The following OSBPL6 variants were observed in gnomAD, a reference collection of about 807,000 sequenced individuals.
The protein encoded by OSBPL6 is oxysterol-binding protein-related protein 6.
A neutral mutation model predicts 125.8 loss-of-function variants in OSBPL6; 49 were observed. The observed-to-expected ratio is 0.39, with a 90% CI of 0.31 to 0.49. The LOEUF is 0.49. Ranked by LOEUF, OSBPL6 falls within the 20% of genes least tolerant of loss-of-function variation. The pLI, the probability that OSBPL6 is intolerant of heterozygous loss-of-function variation, is 0.88. For missense variants in OSBPL6, 986 were observed against 1,135.4 expected, an observed-to-expected ratio of 0.87 and a Z score of 1.89; for synonymous variants, 394 against 391.8, an observed-to-expected ratio of 1.01 and a Z score of -0.07.
chr2:178,361,610 G>C, intron 12 of OSBPL6, 72 bp from the exon 13 acceptor site: 1 of 1,551,438 alleles, frequency 6.4e-7, no homozygotes, highest in Non-Finnish European at 8.8e-7. Flanking sequence ...TGAAAGTCTG[G>C]AGAAATTTAT....
At chr2:178,227,879 G>C (rs1283497263) in intron 1 of OSBPL6, among the ~76,000 whole-genome samples, 1 of 152,106 alleles carries the variant, frequency 6.6e-6, no homozygotes, top group African/African-American at 2.4e-5. Context: ...AGGACCATTT[G>C]GGTAGATAAG....
At chr2:178,306,839 T>C (rs191111310) in intron 3 of OSBPL6, among the ~76,000 whole-genome samples, 1 of 152,322 alleles carries the variant, frequency 6.6e-6, no homozygotes, top group African/African-American at 2.4e-5. Context: ...AAAACGCCCA[T>C]GGTCCCATTT....
chr2:178,385,155 A>C (rs1327622665), intron 18 of OSBPL6, among the ~76,000 whole-genome samples: 1 of 152,152 alleles, frequency 6.6e-6, no homozygotes, highest in African/African-American at 2.4e-5. Flanking sequence ...TGATTGGTGC[A>C]GCAAACCACC....
chr2:178,256,346 C>T lies in OSBPL6; in HGVS notation c.-350-28581C>T, dbSNP rs113030075. Among the ~76,000 whole-genome samples the T allele has an allele frequency of 2.1e-3, 316 of 152,284 alleles. 2 individuals carry two copies. Among genetic ancestry groups the T allele is most frequent in the African/African-American group, 7.4e-3 (309 of 41,568 alleles). ...GATATAACTGGAGTGGGAGTTTTAG[C>T]TTGAAGCCTTGATTTATCTCGAAGG... On this transcript the variant is annotated intron_variant, in intron 1 of 24. Coordinates refer to ENST00000190611, the MANE Select transcript of OSBPL6 (RefSeq NM_032523.4).
chr2:178,364,974 C>T (rs905163608), intron 13 of OSBPL6, among the ~76,000 whole-genome samples: 4 of 152,048 alleles, frequency 2.6e-5, no homozygotes, highest in Admixed American at 1.3e-4. Context: ...GTCAGGAGTT[C>T]GAGACCAGCC....
rs1305635471 is a variant in OSBPL6, at chr2:178,397,248, A to T, written c.*1689A>T. 6.6e-6 allele frequency: 1 copy of T among 152,210 alleles called. No individual in the cohort carries two copies. The highest frequency in any genetic ancestry group is 2.4e-5 in the African/African-American group (1 of 41,454). 9.4% of individuals were successfully genotyped at this position (152,210 alleles called of 1,614,324 possible). ...ATCCAAAACTCCTCCCTTGCATCTGAGTTTTTATGTTATGTGTACAGTCTG... is the reference window on the plus strand; with the variant it reads ...ATCCAAAACTCCTCCCTTGCATCTGTGTTTTTATGTTATGTGTACAGTCTG... On this transcript the variant is annotated 3_prime_UTR_variant, in exon 25 of 25. Transcript: ENST00000190611.
chr2:178,276,824 T>A (rs891424227), intron 1 of OSBPL6, among the ~76,000 whole-genome samples: 1 of 152,088 alleles, frequency 6.6e-6, no homozygotes, highest in Non-Finnish European at 1.5e-5. Flanking sequence ...AATAATTTTT[T>A]AAATCACTTC....
chr2:178,195,336 C>T (rs564680749), intron 1 of OSBPL6, among the ~76,000 whole-genome samples: 1 of 152,358 alleles, frequency 6.6e-6, no homozygotes, highest in African/African-American at 2.4e-5. Context: ...TTCCCTGGTT[C>T]AGACCGGGAC....
In OSBPL6 at chr2:178,372,128, A is replaced by G; in HGVS notation, c.1290A>G (p.Ala430=). The change falls in exon 14 of 25, where the codon GCA becomes GCG. Residue 430 remains alanine, a splice_region_variant and synonymous_variant. Coordinates refer to ENST00000190611, the MANE Select transcript of OSBPL6 (RefSeq NM_032523.4). The part of the protein sequence containing the change: ...MARLRQSLSQ[A]LNQNAELRSR... ...TATGTGGTTTTTGTTATTTTAAGGCACTCAACCAGAATGCTGAACTAAGGA... is the reference window on the plus strand; with the variant it reads ...TATGTGGTTTTTGTTATTTTAAGGCGCTCAACCAGAATGCTGAACTAAGGA... 1.2e-6 allele frequency: 2 copies of G among 1,609,494 alleles called. No homozygotes were observed. The highest frequency in any genetic ancestry group is 1.7e-6 in the Non-Finnish European group (2 of 1,177,638).
In OSBPL6 at chr2:178,324,286, GGT is replaced by G; in HGVS notation, c.195+19_195+20del. 6.5e-7 allele frequency: 1 copy of G among 1,528,810 alleles called. No individual in the cohort carries two copies. The highest frequency in any genetic ancestry group is 8.9e-7 in the Non-Finnish European group (1 of 1,121,714). The allele number at this position is 1,528,810 out of a possible 1,614,324, so 94.7% of individuals were successfully genotyped here. ...CTCTCCAAGGTCAGTGATGAAATGC[GGT>G]GCTTTCTCTGCTGGCATGATGCCTG... On this transcript the variant is annotated intron_variant, in intron 4 of 24. Transcript: ENST00000190611.
At chr2:178,332,133 G>A (rs11686671) in intron 6 of OSBPL6, among the ~76,000 whole-genome samples, 42 of 152,138 alleles carry the variant, frequency 2.8e-4, no homozygotes, top group African/African-American at 9.9e-4. Flanking sequence ...TGAAGGCTTA[G>A]GTTTCAGTTT....
intron 2 of OSBPL6, among the ~76,000 whole-genome samples, chr2:178,293,335 C>G (rs1285334061): frequency 1.3e-5 from 2 of 152,066 alleles, no homozygotes; most frequent in African/African-American, 4.8e-5. Flanking sequence ...AATTCTCTTT[C>G]CATTTTGGAC....
intron 1 of OSBPL6, among the ~76,000 whole-genome samples, chr2:178,228,283 C>G (rs942373750): frequency 2.0e-5 from 3 of 152,332 alleles, no homozygotes; most frequent in Non-Finnish European, 4.4e-5. Context: ...TGCCTGTAAT[C>G]CCAGCACTTT....
intron 1 of OSBPL6, among the ~76,000 whole-genome samples, chr2:178,226,113 A>C (rs2090551414): frequency 6.6e-6 from 1 of 152,058 alleles, no homozygotes; most frequent in African/African-American, 2.4e-5. Flanking sequence ...GCCCACTGAG[A>C]GCTCTAGTCA....
In OSBPL6 at chr2:178,230,019, A is replaced by T. The variant is rs550758845; in HGVS notation, c.-351+35345A>T. 2.8e-4 allele frequency among the ~76,000 whole-genome samples: 42 copies of T among 151,966 alleles called. 1 individual carries two copies. In the South Asian group the frequency reaches 8.7e-3, roughly 32 times the overall value. On this transcript the variant is annotated intron_variant, in intron 1 of 24. Coordinates refer to ENST00000190611, the MANE Select transcript of OSBPL6 (RefSeq NM_032523.4). ...CTCTCTGCCTTTTTGCTCAACCATCACTCATAGTGTTGTTCTCATCTTCAG... is the reference window on the plus strand; with the variant it reads ...CTCTCTGCCTTTTTGCTCAACCATCTCTCATAGTGTTGTTCTCATCTTCAG...
chr2:178,217,651 G>A (rs771409792), intron 1 of OSBPL6, among the ~76,000 whole-genome samples: 1 of 152,188 alleles, frequency 6.6e-6, no homozygotes, highest in Non-Finnish European at 1.5e-5. Context: ...AGGGCTCACA[G>A]ATTGGTTCCA....
rs369964290 is a variant in OSBPL6, at chr2:178,384,182, C to A, written c.2013+6C>A. 6.2e-7 allele frequency: 1 copy of A among 1,611,580 alleles called. No homozygotes were observed. Among genetic ancestry groups the A allele is most frequent in the East Asian group, 2.2e-5 (1 of 44,820 alleles). Reference sequence around the variant, plus strand: ...TCCGCTTTTTCTCAGAACAGGTAAGCGCCACTGGACTCAGTGAGGTTTCTA... The same window carrying A: ...TCCGCTTTTTCTCAGAACAGGTAAGAGCCACTGGACTCAGTGAGGTTTCTA... On this transcript the variant is annotated splice_donor_region_variant and intron_variant, in intron 18 of 24. Transcript: ENST00000190611.
chr2:178,356,784 A>G (rs1377463796), intron 12 of OSBPL6, among the ~76,000 whole-genome samples: 1 of 152,234 alleles, frequency 6.6e-6, no homozygotes, highest in African/African-American at 2.4e-5. Context: ...TTGCCAAGAC[A>G]ATCTTAAGCA....
intron 15 of OSBPL6, among the ~76,000 whole-genome samples, chr2:178,380,050 CAA>C (rs1206574888): frequency 6.6e-6 from 1 of 152,022 alleles, no homozygotes; most frequent in Non-Finnish European, 1.5e-5. Context: ...TTGGCATAAA[CAA>C]AGTTTAAAAA....
Sources: allele counts gnomAD v4.1 joint callset (sites outside exome capture counted in the v4.1 genomes callset), GRCh38; gene constraint gnomAD v4.1.1; transcripts MANE v1.5; gene names NCBI Gene and HGNC (gene_info 2026-07-23, HGNC 2026-07-21).